ADAMTS17: variants seen among roughly 807,000 people sequenced by gnomAD.
ADAMTS17 encodes ADAM metallopeptidase with thrombospondin type 1 motif 17, also known as A disintegrin and metalloproteinase with thrombospondin motifs 17.
A neutral mutation model predicts 141.5 loss-of-function variants in ADAMTS17; 113 were observed. The observed-to-expected ratio is 0.80, with a 90% CI of 0.69 to 0.93. The LOEUF (loss-of-function observed/expected upper bound fraction) is 0.93, where lower values mean the gene tolerates loss of function less well. ADAMTS17 is among the 40% of genes least tolerant of loss of function. The pLI is 0.00. For synonymous variants in ADAMTS17, 768 were observed against 630.6 expected (o/e 1.22, Z -3.27); for missense variants, 1,659 against 1,517.9 (o/e 1.09, Z -1.54).
At chr15:100,245,953 T>C (rs2042974263) in intron 7 of ADAMTS17, among the ~76,000 whole-genome samples, 1 of 152,118 alleles carries the variant, frequency 6.6e-6, no homozygotes, top group African/African-American at 2.4e-5. Context: ...ATCACTTACA[T>C]GTTTATTCAC....
intron 8 of ADAMTS17, among the ~76,000 whole-genome samples, chr15:100,169,215 G>A (rs1415940330): frequency 6.6e-6 from 1 of 152,182 alleles, no homozygotes; most frequent in Non-Finnish European, 1.5e-5. Context: ...CCATCCACCA[G>A]CACAGCTTCC....
chr15:100,189,015 C>T (rs936208989), intron 8 of ADAMTS17, among the ~76,000 whole-genome samples: 4 of 152,240 alleles, frequency 2.6e-5, no homozygotes, highest in African/African-American at 4.8e-5. Context: ...AGGTCCACCC[C>T]TTGGATGTCC....
intron 10 of ADAMTS17, among the ~76,000 whole-genome samples, chr15:100,150,412 G>A (rs2141341925): frequency 6.6e-6 from 1 of 152,240 alleles, no homozygotes; most frequent in Non-Finnish European, 1.5e-5. Context: ...CTTTCCAGCT[G>A]GGTGAGCCTG....
At chr15:100,244,469 A>G (rs1370242691) in intron 7 of ADAMTS17, among the ~76,000 whole-genome samples, 3 of 151,342 alleles carry the variant, frequency 2.0e-5, no homozygotes, top group Admixed American at 6.6e-5. Flanking sequence ...ATCACGTGTC[A>G]TGGGAGGGAC....
chr15:99,994,023 C>T (rs1295136204), intron 19 of ADAMTS17, among the ~76,000 whole-genome samples: 1 of 152,122 alleles, frequency 6.6e-6, no homozygotes, highest in African/African-American at 2.4e-5. Flanking sequence ...GGAGCCTGCT[C>T]CTGACACGCC....
At chr15:100,064,567 C>T in intron 15 of ADAMTS17, among the ~76,000 whole-genome samples, 1 of 152,174 alleles carries the variant, frequency 6.6e-6, no homozygotes, top group East Asian at 1.9e-4. Context: ...AAGCAATTTA[C>T]CCTATGACGA....
intron 18 of ADAMTS17, among the ~76,000 whole-genome samples, chr15:100,044,172 A>T (rs2031495116): frequency 6.6e-6 from 1 of 152,180 alleles, no homozygotes; most frequent in Non-Finnish European, 1.5e-5. Flanking sequence ...TTGAAACATG[A>T]AGATGTGATC....
At chr15:100,277,234 G>A (rs563805067) in intron 4 of ADAMTS17, among the ~76,000 whole-genome samples, 4 of 152,082 alleles carry the variant, frequency 2.6e-5, no homozygotes, top group Admixed American at 6.5e-5. Flanking sequence ...CCTCAGCCCC[G>A]GGCTCTTGAG....
chr15:100,065,820 G>A (rs749234663), intron 15 of ADAMTS17, among the ~76,000 whole-genome samples: 4 of 152,096 alleles, frequency 2.6e-5, no homozygotes, highest in Non-Finnish European at 4.4e-5. Flanking sequence ...CATCACCTCG[G>A]TTTTAAGCCC....
rs557954086 is a variant in ADAMTS17 at position 100,186,382 on chromosome 15, C to T, written c.1181+12936G>A. 2.0e-5 allele frequency among the ~76,000 whole-genome samples: 3 copies of T among 152,308 alleles called. No homozygotes were observed. In the East Asian group the frequency reaches 5.8e-4, roughly 29 times the overall value. Reference sequence around the variant, plus strand: ...TCTCTATAAAATGCAAATACTACTACTATTATAGGATGGGGTGAAAATGAA... The same window carrying T: ...TCTCTATAAAATGCAAATACTACTATTATTATAGGATGGGGTGAAAATGAA... On this transcript the variant is annotated intron_variant, in intron 8 of 21. Coordinates refer to ENST00000268070, the MANE Select transcript of ADAMTS17 (RefSeq NM_139057.4).
intron 14 of ADAMTS17, among the ~76,000 whole-genome samples, chr15:100,099,895 T>C (rs971372764): frequency 6.6e-6 from 1 of 152,184 alleles, no homozygotes; most frequent in African/African-American, 2.4e-5. Flanking sequence ...CCGTGGACAG[T>C]GGCAAATGTC....
At chr15:100,253,697 TC>T (rs1326648892) in intron 7 of ADAMTS17, among the ~76,000 whole-genome samples, 1 of 152,096 alleles carries the variant, frequency 6.6e-6, no homozygotes. Context: ...TGTCTTATAA[TC>T]TACAGTCACA....
intron 15 of ADAMTS17, among the ~76,000 whole-genome samples, chr15:100,066,446 T>A (rs1369549363): frequency 6.6e-6 from 1 of 151,914 alleles, no homozygotes; most frequent in African/African-American, 2.4e-5. Context: ...CATTTATCAT[T>A]TTTTTCTCAC....
At chr15:100,220,504 A>G (rs1303908345) in intron 7 of ADAMTS17, among the ~76,000 whole-genome samples, 1 of 152,182 alleles carries the variant, frequency 6.6e-6, no homozygotes, top group Non-Finnish European at 1.5e-5. Context: ...CTACCTCGCT[A>G]TTTTTGTATT....
At chr15:100,298,406 A>T (rs1000804210) in intron 3 of ADAMTS17, among the ~76,000 whole-genome samples, 4 of 152,034 alleles carry the variant, frequency 2.6e-5, no homozygotes, top group African/African-American at 7.3e-5. Context: ...AGCCCTCATC[A>T]AGCCCCGACT....
At chr15:100,199,151 G>C (rs559414645) in intron 8 of ADAMTS17, among the ~76,000 whole-genome samples, 167 bp downstream of exon 8, 1 of 152,230 alleles carries the variant, frequency 6.6e-6, no homozygotes, top group Non-Finnish European at 1.5e-5. Context: ...CAGTCATCTC[G>C]TGGGGTCTCT....
intron 15 of ADAMTS17, among the ~76,000 whole-genome samples, chr15:100,070,420 C>A (rs1346411159): frequency 2.0e-5 from 3 of 150,208 alleles, no homozygotes; most frequent in Non-Finnish European, 4.4e-5. Flanking sequence ...ACTCTCCACC[C>A]CAAATCAACA....
chr15:100,165,150 T>C (rs1349921227), intron 8 of ADAMTS17, among the ~76,000 whole-genome samples: 2 of 152,194 alleles, frequency 1.3e-5, no homozygotes, highest in Non-Finnish European at 2.9e-5. Flanking sequence ...TGCTGTTTTC[T>C]GGTCCTAATA....
chr15:100,182,348 G>A (rs996803703), intron 8 of ADAMTS17, among the ~76,000 whole-genome samples: 1 of 152,144 alleles, frequency 6.6e-6, no homozygotes, highest in African/African-American at 2.4e-5. Flanking sequence ...CACCCACCAG[G>A]TTCCTCCCTC....
Sources: allele counts gnomAD v4.1 joint callset (sites outside exome capture counted in the v4.1 genomes callset), GRCh38; gene constraint gnomAD v4.1.1; transcripts MANE v1.5; gene names NCBI Gene and HGNC (gene_info 2026-07-23, HGNC 2026-07-21).